The following POLB variants were observed in gnomAD, a reference collection of about 807,000 sequenced individuals.
The protein encoded by POLB is 5'-dRP lyase.
Under a neutral mutation model 52.7 loss-of-function variants are expected in POLB, and 37 were observed. The observed-to-expected ratio is 0.70, with a 90% CI of 0.54 to 0.92. The LOEUF (loss-of-function observed/expected upper bound fraction) is 0.92. POLB is among the 40% of genes least tolerant of loss of function. POLB has a pLI of 0.00. For missense variants in POLB, 313 were observed against 400.8 expected (o/e 0.78, Z 1.87); for synonymous variants, 138 against 131.3 (o/e 1.05, Z -0.35).
At chr8:42,346,745 C>A (rs1822641368) in intron 3 of POLB, among the ~76,000 whole-genome samples, 1 of 152,110 alleles carries the variant, frequency 6.6e-6, no homozygotes, top group South Asian at 2.1e-4. Context: ...TACCATAAAT[C>A]TTGGACATTG....
chr8:42,357,094 T>C, intron 7 of POLB, 75 bp from the exon 8 acceptor site: 1 of 800,488 alleles, frequency 1.2e-6, no homozygotes, highest in Non-Finnish European at 2.1e-6. Flanking sequence ...GGACAATTGT[T>C]ATAAAAGGCA....
intron 3 of POLB, among the ~76,000 whole-genome samples, chr8:42,345,563 C>T (rs1822558896): frequency 6.6e-6 from 1 of 152,096 alleles, no homozygotes; most frequent in Non-Finnish European, 1.5e-5. Context: ...TAATATAATA[C>T]CCCTTATCTG....
chr8:42,342,521 G>A (rs1276699797), intron 2 of POLB: 2 of 868,974 alleles, frequency 2.3e-6, no homozygotes, highest in African/African-American at 1.6e-5. Flanking sequence ...TTTTTATCCT[G>A]TATTACCAAG....
Position 42,349,011 on chromosome 8 carries a change from T to C in POLB, c.187-5T>C. On this transcript the variant is annotated splice_region_variant and splice_polypyrimidine_tract_variant and intron_variant, in intron 3 of 13. Transcript: ENST00000265421. Reference sequence around the variant, plus strand: ...TGACTTTTATATTTCTAATTTTCCATGTAGCCTGGAGTAGGAACAAAAATT... The same window carrying C: ...TGACTTTTATATTTCTAATTTTCCACGTAGCCTGGAGTAGGAACAAAAATT... 4 of 1,546,836 alleles carry C rather than the reference T, an allele frequency of 2.6e-6. No individual in the cohort carries two copies. Among genetic ancestry groups the C allele is most frequent in the East Asian group, 2.3e-5 (1 of 44,326 alleles).
chr8:42,349,673 C>T (rs551583208), intron 4 of POLB, among the ~76,000 whole-genome samples: 1 of 152,350 alleles, frequency 6.6e-6, no homozygotes, highest in South Asian at 2.1e-4. Context: ...CAGGCATGAG[C>T]CACCATACCC....
At chr8:42,355,698 A>C in intron 7 of POLB, 131 bp downstream of exon 7, 1 of 611,084 alleles carries the variant, frequency 1.6e-6, no homozygotes, top group Non-Finnish European at 3.0e-6. Context: ...AAGTGCTAAG[A>C]TTTGTGGACT....
In POLB at chr8:42,342,749, C is replaced by T. The variant is rs3136728; in HGVS notation, c.120-2204C>T. 1.7e-3 allele frequency: 594 copies of T among 343,218 alleles called. 5 individuals carry two copies. The highest frequency in any genetic ancestry group is 0.012 in the African/African-American group (554 of 47,564). 21.3% of individuals were successfully genotyped at this position (343,218 alleles called of 1,614,324 possible). On this transcript the variant is annotated intron_variant, in intron 2 of 13. Transcript: ENST00000265421. ...GTGGCTCACGTCTGTAATCCCACCA[C>T]TTTGGGATGCCAAGGCGGGTGGATG...
At chr8:42,343,558 C>G (rs1408489962) in intron 2 of POLB, among the ~76,000 whole-genome samples, 1 of 150,536 alleles carries the variant, frequency 6.6e-6, no homozygotes, top group Non-Finnish European at 1.5e-5. Flanking sequence ...GATCTGGTGT[C>G]TAATAATTCA....
chr8:42,347,076 A>AC (rs1459648203), intron 3 of POLB, among the ~76,000 whole-genome samples: 7 of 152,112 alleles, frequency 4.6e-5, no homozygotes, highest in African/African-American at 1.7e-4. Context: ...TTCTTAGAGA[A>AC]AAACTGAAAA....
In POLB at chr8:42,338,753, C is replaced by A; in HGVS notation, c.61+68C>A. 3 of 1,465,000 alleles carry A rather than the reference C, an allele frequency of 2.0e-6. No homozygotes were observed. In the South Asian group the frequency reaches 3.4e-5, roughly 17 times the overall value. The allele number at this position is 1,465,000 out of a possible 1,614,324, so 90.8% of individuals were successfully genotyped here. A position where few individuals can be genotyped will look rare whatever the true frequency, so the allele number is the denominator to read the frequency against. On this transcript the variant is annotated intron_variant, in intron 1 of 13. Transcript: ENST00000265421. ...CAGCCTCTTCCCCTGCCTTCCTTCTCTCCCACACCGACAGTCCAGTGGGTA... is the reference window on the plus strand; with the variant it reads ...CAGCCTCTTCCCCTGCCTTCCTTCTATCCCACACCGACAGTCCAGTGGGTA...
chr8:42,347,010 C>T (rs942146392), intron 3 of POLB, among the ~76,000 whole-genome samples: 4 of 152,102 alleles, frequency 2.6e-5, no homozygotes, highest in Admixed American at 2.6e-4. Flanking sequence ...CATTCACTTC[C>T]TCTTTTATCC....
intron 2 of POLB, chr8:42,341,961 T>C (rs569196306): frequency 1.1e-5 from 8 of 721,540 alleles, no homozygotes; most frequent in African/African-American, 1.7e-5. Context: ...TCTGAAGTTA[T>C]GCTATTCTTT....
rs1450281077 is a variant in POLB at position 42,339,084 on chromosome 8, C to T, written c.119+15C>T. The T allele has an allele frequency of 6.3e-7, 1 of 1,598,296 alleles. No individual in the cohort carries two copies. Among genetic ancestry groups the T allele is most frequent in the Non-Finnish European group, 8.6e-7 (1 of 1,165,538 alleles). Reference sequence around the variant, plus strand: ...AATGCTTACAGGTGGGACAGTGCAGCATTCTCGGGTAGCATACGTTCTGGG... The same window carrying T: ...AATGCTTACAGGTGGGACAGTGCAGTATTCTCGGGTAGCATACGTTCTGGG... On this transcript the variant is annotated intron_variant, in intron 2 of 13. Coordinates refer to ENST00000265421, the MANE Select transcript of POLB (RefSeq NM_002690.3).
chr8:42,369,623 A>G (rs1824252899), intron 12 of POLB: 2 of 526,794 alleles, frequency 3.8e-6, no homozygotes, highest in South Asian at 3.2e-5. Context: ...GTGATAATGC[A>G]ATTTCATTTC....
chr8:42,360,591 A>G (rs1823612538), intron 9 of POLB, among the ~76,000 whole-genome samples: 3 of 152,348 alleles, frequency 2.0e-5, no homozygotes, highest in African/African-American at 7.2e-5. Flanking sequence ...AAAAAAAAGT[A>G]AAATGAAAAA....
At chr8:42,346,696 T>C (rs1822636208) in intron 3 of POLB, among the ~76,000 whole-genome samples, 1 of 152,142 alleles carries the variant, frequency 6.6e-6, no homozygotes, top group African/African-American at 2.4e-5. Flanking sequence ...GACTGGACCA[T>C]AACTGCCGTT....
At chr8:42,350,123 CAAA>C in intron 5 of POLB, 58 bp downstream of exon 5, 1 of 1,122,642 alleles carries the variant, frequency 8.9e-7, no homozygotes, top group Non-Finnish European at 1.4e-6. Flanking sequence ...TCCTGTTAGC[CAAA>C]GTAAATTACA....
At chr8:42,367,018 G>C (rs1223702865) in intron 11 of POLB, among the ~76,000 whole-genome samples, 1 of 152,132 alleles carries the variant, frequency 6.6e-6, no homozygotes, top group Non-Finnish European at 1.5e-5. Context: ...TTAGATTGGG[G>C]AACAAAAGAA....
intron 11 of POLB, among the ~76,000 whole-genome samples, chr8:42,364,107 A>G (rs1380645157): frequency 6.6e-6 from 1 of 151,956 alleles, no homozygotes; most frequent in Non-Finnish European, 1.5e-5. Context: ...TTGTATTTTT[A>G]GTAGAGACCA....
Sources: allele counts gnomAD v4.1 joint callset (sites outside exome capture counted in the v4.1 genomes callset), GRCh38; gene constraint gnomAD v4.1.1; transcripts MANE v1.5; gene names NCBI Gene and HGNC (gene_info 2026-07-23, HGNC 2026-07-21).